ADGB: variants seen among roughly 807,000 people sequenced by gnomAD.
ADGB encodes androglobin.
Under a neutral mutation model 210.5 loss-of-function variants are expected in ADGB, and 172 were observed. The observed-to-expected ratio is 0.82, with a 90% CI of 0.72 to 0.93. The LOEUF (loss-of-function observed/expected upper bound fraction) is 0.93. Ranked by LOEUF, ADGB falls within the 40% of genes least tolerant of loss-of-function variation. The pLI is 0.00. For missense variants in ADGB, 2,025 were observed against 1,964.8 expected, an observed-to-expected ratio of 1.03 and a Z score of -0.58; for synonymous variants, 658 against 662.7, an observed-to-expected ratio of 0.99 and a Z score of 0.11.
intron 1 of ADGB, among the ~76,000 whole-genome samples, chr6:146,613,322 G>A (rs915252471): frequency 6.6e-6 from 1 of 152,124 alleles, no homozygotes; most frequent in African/African-American, 2.4e-5. Context: ...TTTCCTACAT[G>A]TTTGATTTTC....
At chr6:146,783,289 G>A (rs922484139) in intron 30 of ADGB, among the ~76,000 whole-genome samples, 9 of 152,126 alleles carry the variant, frequency 5.9e-5, no homozygotes, top group African/African-American at 1.7e-4. Flanking sequence ...AGACAATAAA[G>A]GAAAATTAAC....
At chr6:146,638,797 T>C (rs1775466168) in intron 2 of ADGB, 1 of 151,376 alleles carries the variant, frequency 6.6e-6, no homozygotes, top group Non-Finnish European at 1.5e-5. Flanking sequence ...ACAGAACTTG[T>C]CTATAATCTT....
intron 23 of ADGB, among the ~76,000 whole-genome samples, chr6:146,739,245 G>T (rs1174035154): frequency 6.6e-6 from 1 of 152,102 alleles, no homozygotes; most frequent in African/African-American, 2.4e-5. Flanking sequence ...AGCCCTGTGT[G>T]ATTTACAGGG....
At chr6:146,600,318 C>A in intron 1 of ADGB, 1 of 252,512 alleles carries the variant, frequency 4.0e-6, no homozygotes, top group South Asian at 4.1e-5. Flanking sequence ...TGTCTAATGG[C>A]TTCCATTCCT....
intron 5 of ADGB, among the ~76,000 whole-genome samples, chr6:146,658,619 G>A (rs963227406): frequency 1.3e-5 from 2 of 152,058 alleles, no homozygotes; most frequent in African/African-American, 2.4e-5. Context: ...CTCCTGCATA[G>A]GAGTTAACAT....
chr6:146,703,224 C>G (rs1275850120), intron 13 of ADGB, among the ~76,000 whole-genome samples: 2 of 151,730 alleles, frequency 1.3e-5, no homozygotes, highest in Admixed American at 1.3e-4. Context: ...CTAAGTTTAT[C>G]TTTTCAATCT....
chr6:146,631,548 T>TAC (rs201381209), intron 1 of ADGB, among the ~76,000 whole-genome samples: 3 of 152,050 alleles, frequency 2.0e-5, no homozygotes, highest in African/African-American at 7.2e-5. Flanking sequence ...CAATTAGGTA[T>TAC]ATCAGAAATG....
intron 9 of ADGB, among the ~76,000 whole-genome samples, chr6:146,677,158 A>G (rs9485112): frequency 0.026 from 3,953 of 152,254 alleles, 182 homozygotes; most frequent in African/African-American, 0.088. Context: ...CAGTCTAGGT[A>G]TAAGTAGCCT....
At position 146,654,321 on chromosome 6, in the gene ADGB, TA is replaced by T. The variant is rs398110799; in HGVS notation, c.402+116del. On this transcript the variant is annotated intron_variant, in intron 4 of 35. Coordinates refer to ENST00000397944, the MANE Select transcript of ADGB (RefSeq NM_024694.4). ...CTTGCTCACCTTTAAGTTTTGGTAT[TA>T]TATATATATATATATAATACCAAAA... 2.0e-3 allele frequency: 21 copies of T among 10,338 alleles called. No individual in the cohort carries two copies. The South Asian group carries it at 0.029, about 14-fold the overall frequency. 0.6% of individuals were successfully genotyped at this position (10,338 alleles called of 1,614,324 possible).
chr6:146,611,341 C>T (rs186821910), intron 1 of ADGB, among the ~76,000 whole-genome samples: 2 of 152,108 alleles, frequency 1.3e-5, no homozygotes, highest in African/African-American at 2.4e-5. Flanking sequence ...CAACAAAGGC[C>T]AAAACCACCT....
Position 146,801,964 on chromosome 6 carries a change from C to T in ADGB, c.4771C>T (p.Arg1591Trp), listed in dbSNP as rs1248791153. The change falls in exon 35 of 36, where the codon CGG (arginine) becomes TGG (tryptophan). Residue 1591 changes from arginine (R) to tryptophan (W), a missense_variant. Physicochemically the swap from Arg to Trp is moderately radical, Grantham distance 101. Transcript: ENST00000397944. The part of the protein sequence containing the change: ...LSIRNIDQEE[R>W]LKLKDEVLDM... ...CATTCGAAACATTGACCAAGAAGAG[C>T]GGTTGAAGTTAAAGGATGAAGTCCT... The T allele has an allele frequency of 1.9e-5, 30 of 1,549,606 alleles. No individual in the cohort carries two copies. In the East Asian group the frequency reaches 2.2e-4, roughly 11 times the overall value.
intron 32 of ADGB, among the ~76,000 whole-genome samples, chr6:146,785,989 C>T (rs1777866707): frequency 6.6e-6 from 1 of 151,616 alleles, no homozygotes; most frequent in African/African-American, 2.4e-5. Context: ...AATGATAAAA[C>T]CAGAAAGAAT....
chr6:146,784,387 C>T (rs967950693), intron 30 of ADGB, among the ~76,000 whole-genome samples: 3 of 152,060 alleles, frequency 2.0e-5, no homozygotes, highest in African/African-American at 7.2e-5. Context: ...AATTATATGA[C>T]TATATTACAA....
At chr6:146,726,347 C>G in intron 19 of ADGB, 150 bp downstream of exon 19, 1 of 507,218 alleles carries the variant, frequency 2.0e-6, no homozygotes, top group Non-Finnish European at 3.6e-6. Context: ...CTCAGCCCCC[C>G]AAGTAGCTGG....
chr6:146,812,173 TAAC>T (rs1302501096), intron 35 of ADGB, among the ~76,000 whole-genome samples: 2 of 152,240 alleles, frequency 1.3e-5, no homozygotes, highest in Non-Finnish European at 2.9e-5. Flanking sequence ...TTATCTTTAA[TAAC>T]AGATTTTTCC....
At chr6:146,619,050 A>G (rs759699403) in intron 1 of ADGB, among the ~76,000 whole-genome samples, 41 of 149,270 alleles carry the variant, frequency 2.7e-4, no homozygotes, top group Non-Finnish European at 4.2e-4. Flanking sequence ...TTAGGTGCAT[A>G]TATTTTTACA....
chr6:146,730,550 A>C (rs566872186), intron 20 of ADGB, among the ~76,000 whole-genome samples: 2 of 152,296 alleles, frequency 1.3e-5, no homozygotes, highest in South Asian at 2.1e-4. Flanking sequence ...TAAAAGAAAA[A>C]TACAATTGTA....
intron 9 of ADGB, among the ~76,000 whole-genome samples, chr6:146,682,981 G>A (rs1196932280): frequency 6.6e-6 from 1 of 152,078 alleles, no homozygotes. Flanking sequence ...GGGGCCTAAT[G>A]AGAGGTAATT....
chr6:146,811,669 T>TTTTTG (rs930844121), intron 35 of ADGB, among the ~76,000 whole-genome samples: 8 of 152,220 alleles, frequency 5.3e-5, no homozygotes, highest in African/African-American at 1.9e-4. Context: ...TTGCTGTGTT[T>TTTTTG]TTTTGTTTTG....
Sources: allele counts gnomAD v4.1 joint callset (sites outside exome capture counted in the v4.1 genomes callset), GRCh38; gene constraint gnomAD v4.1.1; transcripts MANE v1.5; gene names NCBI Gene and HGNC (gene_info 2026-07-23, HGNC 2026-07-21).